Variants in DEK observed in about 807,000 individuals in gnomAD.
DEK encodes DEK proto-oncogene, also known as protein DEK.
In DEK, 28 loss-of-function variants were observed where a neutral mutation model predicts 46.8. The observed-to-expected ratio is 0.60, with a 90% CI of 0.44 to 0.82. DEK has a LOEUF of 0.82. Ranked by LOEUF, DEK falls within the 40% of genes least tolerant of loss-of-function variation. DEK has a pLI of 0.00. For synonymous variants in DEK, 160 were observed against 144.5 expected, an observed-to-expected ratio of 1.11 and a Z score of -0.77; for missense variants, 416 against 430.6, an observed-to-expected ratio of 0.97 and a Z score of 0.30.
rs1378921950 is a variant in DEK at position 18,255,828 on chromosome 6, C to G, written c.476G>C (p.Ser159Thr). The G allele has an allele frequency of 2.5e-6, 4 of 1,606,784 alleles. No individual in the cohort carries two copies. In the African/African-American group the frequency reaches 5.4e-5, roughly 22 times the overall value. ...LKKFRNAMLKSICEVLDLERS... is the reference protein window; with the variant it reads ...LKKFRNAMLKTICEVLDLERS... ...CTCCAAATCAAGAACCTCACAGATG[C>G]TCTTTAACATGGCATTTCTAAATCT... Residue 159 changes from serine (S) to threonine (T), a missense_variant, in exon 6 of 11, where the codon AGC (serine) becomes ACC (threonine). By Grantham distance (58) the Ser-to-Thr change is moderately conservative (BLOSUM62 1). Transcript: ENST00000652689.
In DEK at chr6:18,230,056, A is replaced by G. The variant is rs1435265080; in HGVS notation, c.1048-3814T>C. ...AGGCAGAAACTCTACAAGCCAGAATAGAGTGAGGGCCAATATTCGACATTC... is the reference window on the plus strand; with the variant it reads ...AGGCAGAAACTCTACAAGCCAGAATGGAGTGAGGGCCAATATTCGACATTC... On this transcript the variant is annotated intron_variant, in intron 9 of 10. Coordinates refer to ENST00000652689, the MANE Select transcript of DEK (RefSeq NM_003472.4). Among the ~76,000 whole-genome samples the G allele has an allele frequency of 7.2e-5, 11 of 152,392 alleles. 1 individual carries two copies. The highest frequency in any genetic ancestry group is 2.4e-5 in the African/African-American group (1 of 41,598).
At chr6:18,244,402 A>G (rs1207662466) in intron 7 of DEK, 1 of 485,880 alleles carries the variant, frequency 2.1e-6, no homozygotes, top group East Asian at 7.2e-5. Flanking sequence ...AAAAACGTGA[A>G]GGGGATTCTC....
At chr6:18,228,137 A>C (rs1790219537) in intron 9 of DEK, among the ~76,000 whole-genome samples, 1 of 152,178 alleles carries the variant, frequency 6.6e-6, no homozygotes, top group Non-Finnish European at 1.5e-5. Context: ...TTTTCTGTAA[A>C]GGGCTAGATG....
intron 8 of DEK, chr6:18,237,173 C>G (rs1245541734): frequency 4.2e-5 from 18 of 429,810 alleles, no homozygotes; most frequent in Non-Finnish European, 5.0e-5. Flanking sequence ...ATCTCTCTCT[C>G]TGTCTCTCTC....
At chr6:18,260,962 G>A (rs1791831328) in intron 2 of DEK, among the ~76,000 whole-genome samples, 1 of 149,900 alleles carries the variant, frequency 6.7e-6, no homozygotes, top group Non-Finnish European at 1.5e-5. Flanking sequence ...CTCCAGCCTG[G>A]GTGACAAGTG....
At chr6:18,243,549 GC>G (rs1027569280) in intron 7 of DEK, among the ~76,000 whole-genome samples, 7 of 152,096 alleles carry the variant, frequency 4.6e-5, no homozygotes, top group African/African-American at 1.7e-4. Flanking sequence ...AAGGCACCCT[GC>G]CTTCCCTGTT....
chr6:18,239,410 T>C (rs1224113125), intron 7 of DEK, among the ~76,000 whole-genome samples: 1 of 131,838 alleles, frequency 7.6e-6, no homozygotes, highest in Non-Finnish European at 1.6e-5. Context: ...ACTCAAACAA[T>C]CCTCCCACCT....
rs1032084977 is a variant in DEK, at chr6:18,260,211, T to G, written c.146-1806A>C. Reference sequence around the variant, plus strand: ...CTTTATATCATCTGTAGATTACTCATAATGACTAATACAACTTAACTGATA... The same window carrying G: ...CTTTATATCATCTGTAGATTACTCAGAATGACTAATACAACTTAACTGATA... On this transcript the variant is annotated intron_variant, in intron 2 of 10. Coordinates refer to ENST00000652689, the MANE Select transcript of DEK (RefSeq NM_003472.4). 4.6e-5 allele frequency among the ~76,000 whole-genome samples: 7 copies of G among 152,222 alleles called. No homozygotes were observed. In the South Asian group the frequency reaches 8.3e-4, roughly 18 times the overall value.
At chr6:18,253,398 A>C (rs1791477658) in intron 6 of DEK, among the ~76,000 whole-genome samples, 1 of 152,228 alleles carries the variant, frequency 6.6e-6, no homozygotes. Flanking sequence ...TAGTTTACCA[A>C]GGCCTAAGTA....
In DEK at chr6:18,237,470, G is replaced by A; in HGVS notation, c.809C>T (p.Thr270Ile). ...AKREKPKQKA[T>I]SKSKKSVKSA... ...TTTCACAGATTTTTTACTTTTAGAA[G>A]TAGCTTTCTGTTTAGGTTTTTCTCT... Residue 270 changes from threonine (T) to isoleucine (I), a missense_variant, in exon 8 of 11, where the codon ACT becomes ATT. Coordinates refer to ENST00000652689, the MANE Select transcript of DEK (RefSeq NM_003472.4). 1 of 1,609,860 alleles carries A rather than the reference G, an allele frequency of 6.2e-7. No homozygotes were observed. Among genetic ancestry groups the A allele is most frequent in the Non-Finnish European group, 8.5e-7 (1 of 1,178,960 alleles).
At chr6:18,243,215 T>C (rs1484474183) in intron 7 of DEK, among the ~76,000 whole-genome samples, 1 of 152,182 alleles carries the variant, frequency 6.6e-6, no homozygotes, top group Non-Finnish European at 1.5e-5. Context: ...CTAAATGAGA[T>C]GCAAGATGTG....
chr6:18,244,449 G>A, intron 7 of DEK: 2 of 854,738 alleles, frequency 2.3e-6, no homozygotes, highest in Non-Finnish European at 3.3e-6. Context: ...AGAATCAGAG[G>A]AATGACATAA....
In DEK at chr6:18,258,369, T is replaced by C; in HGVS notation, c.182A>G (p.Lys61Arg). Residue 61 changes from lysine (K) to arginine (R), a missense_variant, in exon 3 of 11, where the codon AAA (lysine) becomes AGA (arginine). Physicochemically the swap from Lys to Arg is conservative, Grantham distance 26. Coordinates refer to ENST00000652689, the MANE Select transcript of DEK (RefSeq NM_003472.4). ...TTGCATTGTCAACCTCTCTACTTTT[T>C]TCTTTTCCCTCTTGCCTTCCACGAT... ...SLIVEGKREK[K>R]KVERLTMQVS... The C allele has an allele frequency of 6.2e-7, 1 of 1,613,496 alleles. No individual in the cohort carries two copies. Among genetic ancestry groups the C allele is most frequent in the Non-Finnish European group, 8.5e-7 (1 of 1,179,734 alleles).
At chr6:18,251,757 T>C (rs1428580858) in intron 6 of DEK, among the ~76,000 whole-genome samples, 4 of 152,300 alleles carry the variant, frequency 2.6e-5, no homozygotes, top group Middle Eastern at 3.4e-3. Context: ...AGGTCTCAAA[T>C]GTATTAGAAA....
In DEK at chr6:18,257,937, T is replaced by C. The variant is rs1322209670; in HGVS notation, c.357+16A>G. 2.6e-6 allele frequency: 4 copies of C among 1,554,872 alleles called. No individual in the cohort carries two copies. The highest frequency in any genetic ancestry group is 3.5e-6 in the Non-Finnish European group (4 of 1,145,596). On this transcript the variant is annotated intron_variant, in intron 4 of 10. Transcript: ENST00000652689. ...AAGTAATATACAAGTAGGTTTAAAG[T>C]GTAAAAAGGTCTTACAGTGCCTGGC...
chr6:18,241,883 A>G (rs1173434743), intron 7 of DEK, among the ~76,000 whole-genome samples: 2 of 152,198 alleles, frequency 1.3e-5, no homozygotes, highest in Non-Finnish European at 2.9e-5. Flanking sequence ...GAATTATTGG[A>G]GCTATATACA....
chr6:18,260,889 G>A (rs1435116856), intron 2 of DEK, among the ~76,000 whole-genome samples: 1 of 151,728 alleles, frequency 6.6e-6, no homozygotes, highest in Non-Finnish European at 1.5e-5. Flanking sequence ...TGGTTCCTGA[G>A]GTGAGAGGAT....
intron 6 of DEK, 80 bp from the exon 7 acceptor site, chr6:18,249,919 ATT>A (rs1180121523): frequency 2.9e-5 from 42 of 1,465,388 alleles, no homozygotes; most frequent in Non-Finnish European, 3.4e-5. Flanking sequence ...TATCAACTCA[ATT>A]TCTTATTCCT....
In DEK at chr6:18,226,302, G is replaced by T. The variant is rs557767962; in HGVS notation, c.1048-60C>A. ...GCAGATTTTAAAATCCAGTAATATT[G>T]TCTTTGAATAAAAGCAGGAAATCTG... On this transcript the variant is annotated intron_variant, in intron 9 of 10. Transcript: ENST00000652689. 5.2e-5 allele frequency: 65 copies of T among 1,253,394 alleles called. No individual in the cohort carries two copies. The African/African-American group carries it at 9.3e-4, about 18-fold the overall frequency. 77.6% of individuals were successfully genotyped at this position (1,253,394 alleles called of 1,614,324 possible). A position where few individuals can be genotyped will look rare whatever the true frequency, so the allele number is the denominator to read the frequency against.
Sources: allele counts gnomAD v4.1 joint callset (sites outside exome capture counted in the v4.1 genomes callset), GRCh38; gene constraint gnomAD v4.1.1; transcripts MANE v1.5; gene names NCBI Gene and HGNC (gene_info 2026-07-23, HGNC 2026-07-21).